The following MAP3K5 variants were observed in gnomAD, a reference collection of about 807,000 sequenced individuals.
MAP3K5 encodes the protein mitogen-activated protein kinase kinase kinase 5, also known as ASK-1.
In MAP3K5, 56 loss-of-function variants were observed where a neutral mutation model predicts 158.7. The ratio of observed to expected loss-of-function variants is 0.35; its 90% CI spans 0.28 to 0.44. The LOEUF (loss-of-function observed/expected upper bound fraction) is 0.44. MAP3K5 is among the 20% of genes least tolerant of loss of function. The pLI, the probability that MAP3K5 is intolerant of heterozygous loss-of-function variation, is 1.00. For missense variants in MAP3K5, 1,294 were observed against 1,674.8 expected, an observed-to-expected ratio of 0.77 and a Z score of 3.97; for synonymous variants, 579 against 601.7, an observed-to-expected ratio of 0.96 and a Z score of 0.55.
At chr6:136,564,909 A>G (rs1203388761) in intron 26 of MAP3K5, among the ~76,000 whole-genome samples, 2 of 152,202 alleles carry the variant, frequency 1.3e-5, no homozygotes, top group African/African-American at 2.4e-5. Flanking sequence ...ACGCCAACCC[A>G]TAACAAATCC....
chr6:136,582,141 C>T (rs1774908578), intron 24 of MAP3K5, among the ~76,000 whole-genome samples: 1 of 152,050 alleles, frequency 6.6e-6, no homozygotes. Context: ...TAACCATAAC[C>T]TGCTCCTCTC....
At chr6:136,580,431 T>C in intron 24 of MAP3K5, 25 bp from the exon 25 acceptor site, 1 of 1,470,552 alleles carries the variant, frequency 6.8e-7, no homozygotes, top group Non-Finnish European at 9.5e-7. Context: ...ACATTTAGCC[T>C]ACTTTAATTT....
intron 1 of MAP3K5, among the ~76,000 whole-genome samples, chr6:136,774,122 C>T (rs539867484): frequency 1.3e-5 from 2 of 152,286 alleles, no homozygotes; most frequent in Non-Finnish European, 2.9e-5. Context: ...TCCTTCAAAA[C>T]CCAGTTCAAA....
chr6:136,611,108 A>C (rs1306776683), intron 18 of MAP3K5, among the ~76,000 whole-genome samples, 174 bp downstream of exon 18: 1 of 77,672 alleles, frequency 1.3e-5, no homozygotes, highest in African/African-American at 7.1e-5. Context: ...ACCCTGTCTC[A>C]AAAAAAAAAA....
chr6:136,730,755 A>G (rs1782190891), intron 1 of MAP3K5, among the ~76,000 whole-genome samples: 1 of 150,830 alleles, frequency 6.6e-6, no homozygotes. Context: ...AGTCACAGCA[A>G]TGGGTGACCA....
Position 136,619,012 on chromosome 6 carries a change from T to C in MAP3K5, c.2150+3836A>G, listed in dbSNP as rs115288267. On this transcript the variant is annotated intron_variant, in intron 15 of 29. Coordinates refer to ENST00000359015, the MANE Select transcript of MAP3K5 (RefSeq NM_005923.4). ...GGCGAGTGCAACAGAGGAGAAAGTA[T>C]ACTGGGCAGTTCTGGGAAGCTCTGT... Among the ~76,000 whole-genome samples the C allele has an allele frequency of 1.5e-3, 235 of 152,318 alleles. 3 individuals are homozygous for C. Among genetic ancestry groups the C allele is most frequent in the African/African-American group, 5.3e-3 (222 of 41,578 alleles).
chr6:136,754,990 T>A (rs1783410000), intron 1 of MAP3K5, among the ~76,000 whole-genome samples: 1 of 152,162 alleles, frequency 6.6e-6, no homozygotes, highest in South Asian at 2.1e-4. Context: ...TGAAGTCCCA[T>A]CAATTCTACT....
intron 24 of MAP3K5, among the ~76,000 whole-genome samples, chr6:136,582,408 TG>T (rs1350882440): frequency 6.6e-6 from 1 of 152,134 alleles, no homozygotes; most frequent in African/African-American, 2.4e-5. Flanking sequence ...GCCAAATGTG[TG>T]GGCAAGTGCA....
chr6:136,715,329 T>C lies in MAP3K5; in HGVS notation c.588+5121A>G, dbSNP rs1372914952. Among the ~76,000 whole-genome samples, 4 of 152,148 alleles carry C rather than the reference T, an allele frequency of 2.6e-5. No individual in the cohort carries two copies. In the East Asian group the frequency reaches 7.7e-4, roughly 29 times the overall value. ...ACGTTATCCTGGTGGATACAAAAAA[T>C]AAAAGAATATAGCAACCTTTTCCTT... On this transcript the variant is annotated intron_variant, in intron 2 of 29. Transcript: ENST00000359015.
intron 14 of MAP3K5, among the ~76,000 whole-genome samples, chr6:136,632,263 G>A (rs569233367): frequency 6.6e-6 from 1 of 152,152 alleles, no homozygotes; most frequent in Admixed American, 6.5e-5. Context: ...GCTCGTGTCC[G>A]TAATCCCAGC....
At chr6:136,635,268 T>C (rs1020995452) in intron 14 of MAP3K5, among the ~76,000 whole-genome samples, 1 of 152,184 alleles carries the variant, frequency 6.6e-6, no homozygotes, top group African/African-American at 2.4e-5. Context: ...GGCAAGTTGC[T>C]ATGTATCAAG....
Position 136,580,417 on chromosome 6 carries a change from A to G in MAP3K5, c.3412-11T>C. The G allele has an allele frequency of 6.5e-7, 1 of 1,549,520 alleles. No homozygotes were observed. Among genetic ancestry groups the G allele is most frequent in the Non-Finnish European group, 8.9e-7 (1 of 1,122,532 alleles). On this transcript the variant is annotated splice_polypyrimidine_tract_variant and intron_variant, in intron 24 of 29. Coordinates refer to ENST00000359015, the MANE Select transcript of MAP3K5 (RefSeq NM_005923.4). ...AAGAACTTTATTGACCTGGAGAGAG[A>G]GTGACATTTAGCCTACTTTAATTTT... is the stretch of plus-strand genomic sequence containing the variant.
At chr6:136,746,323 G>A (rs1782957327) in intron 1 of MAP3K5, among the ~76,000 whole-genome samples, 1 of 152,042 alleles carries the variant, frequency 6.6e-6, no homozygotes, top group Non-Finnish European at 1.5e-5. Context: ...GTTCATGTCT[G>A]TAGGTCTGTG....
chr6:136,637,243 AC>A, intron 14 of MAP3K5, 81 bp downstream of exon 14: 1 of 1,299,794 alleles, frequency 7.7e-7, no homozygotes, highest in South Asian at 1.2e-5. Context: ...CCCCTCATAC[AC>A]CCTGCCTCCT....
At position 136,609,671 on chromosome 6, in the gene MAP3K5, A is replaced by G. The variant is rs1776246878; in HGVS notation, c.2521+1611T>C. Among the ~76,000 whole-genome samples the G allele has an allele frequency of 6.6e-6, 1 of 151,572 alleles. No homozygotes were observed. Among genetic ancestry groups the G allele is most frequent in the Non-Finnish European group, 1.5e-5 (1 of 67,872 alleles). On this transcript the variant is annotated intron_variant, in intron 18 of 29. Transcript: ENST00000359015. The surrounding 1 kb of genome is among the most constrained non-coding windows in gnomAD (Gnocchi z 4.4). Reference sequence around the variant, plus strand: ...TAGCCAGGCATGGAGGTGCGTGCCTATGGTCCCAGCTACTAGGGAGGCTGA... The same window carrying G: ...TAGCCAGGCATGGAGGTGCGTGCCTGTGGTCCCAGCTACTAGGGAGGCTGA...
intron 1 of MAP3K5, among the ~76,000 whole-genome samples, chr6:136,760,250 T>C (rs1222759475): frequency 6.6e-6 from 1 of 152,206 alleles, no homozygotes; most frequent in Admixed American, 6.5e-5. Context: ...GTCAGTTATA[T>C]ATATAATTGT....
At chr6:136,656,131 G>A (rs1250055313) in intron 10 of MAP3K5, 176 bp downstream of exon 10, 1 of 572,324 alleles carries the variant, frequency 1.7e-6, no homozygotes, top group Non-Finnish European at 3.1e-6. Context: ...CTCTGATTTT[G>A]AGAAGTTATT....
intron 19 of MAP3K5, among the ~76,000 whole-genome samples, chr6:136,604,665 G>A (rs1776026261): frequency 6.6e-6 from 1 of 152,072 alleles, no homozygotes; most frequent in South Asian, 2.1e-4. Flanking sequence ...AAAAGGTGGG[G>A]CTTCTTCCTC....
intron 1 of MAP3K5, among the ~76,000 whole-genome samples, chr6:136,745,321 G>A (rs191041341): frequency 1.3e-4 from 19 of 151,886 alleles, no homozygotes; most frequent in African/African-American, 4.6e-4. Context: ...ACAAATTGTT[G>A]GGAAGAAAAT....
Sources: allele counts gnomAD v4.1 joint callset (sites outside exome capture counted in the v4.1 genomes callset), GRCh38; gene constraint gnomAD v4.1.1; non-coding constraint Gnocchi (gnomAD v3.1); transcripts MANE v1.5; gene names NCBI Gene and HGNC (gene_info 2026-07-23, HGNC 2026-07-21).